The following KMT2A variants were observed in gnomAD, a reference collection of about 807,000 sequenced individuals.
The protein encoded by KMT2A is lysine methyltransferase 2A, also known as histone-lysine N-methyltransferase 2A.
Under a neutral mutation model 345.3 loss-of-function variants are expected in KMT2A, and 16 were observed. The ratio of observed to expected loss-of-function variants is 0.05; its 90% CI spans 0.03 to 0.07. The LOEUF is 0.07. KMT2A is among the 10% of genes least tolerant of loss of function. KMT2A has a pLI of 1.00. For synonymous variants in KMT2A, 1,599 were observed against 1,778.6 expected, an observed-to-expected ratio of 0.90 and a Z score of 2.54; for missense variants, 3,272 against 4,841.6, an observed-to-expected ratio of 0.68 and a Z score of 9.62.
rs1476909071 is a variant in KMT2A at position 118,491,504 on chromosome 11, G to C, written c.4819+186G>C. 1.3e-5 allele frequency among the ~76,000 whole-genome samples: 2 copies of C among 152,098 alleles called. No homozygotes were observed. The highest frequency in any genetic ancestry group is 2.9e-5 in the Non-Finnish European group (2 of 68,028). On this transcript the variant is annotated intron_variant, in intron 14 of 35. Transcript: ENST00000534358. The surrounding 1 kb of genome is among the most constrained non-coding windows in gnomAD (Gnocchi z 4.2). ...CTTATCTTGAATATATGCCTTTAAA[G>C]TATTTATTTGCTGTCCTTTGTGTGT...
chr11:118,482,220 C>A, intron 7 of KMT2A, 128 bp downstream of exon 7: 1 of 1,095,922 alleles, frequency 9.1e-7, no homozygotes, highest in Non-Finnish European at 1.3e-6. Context: ...AATCAGCTCT[C>A]TTTCTAACTA....
At chr11:118,515,067 C>T (rs551535171) in intron 31 of KMT2A, among the ~76,000 whole-genome samples, 7 of 152,326 alleles carry the variant, frequency 4.6e-5, no homozygotes, top group African/African-American at 1.7e-4. Flanking sequence ...GTGCCCGGCC[C>T]ATCCATGTGT....
At chr11:118,517,268 C>T (rs555259966) in intron 31 of KMT2A, among the ~76,000 whole-genome samples, 5 of 151,636 alleles carry the variant, frequency 3.3e-5, no homozygotes, top group South Asian at 2.1e-4. Context: ...TGGTGGCGGG[C>T]GCCTGTAGTC....
chr11:118,501,150 T>C lies in KMT2A; in HGVS notation c.6319+3T>C. Reference sequence around the variant, plus strand: ...CCATAGTCCAACATCTTTTACAGGTTAGTCTTGAATCAAGATGGGACTTGA... The same window carrying C: ...CCATAGTCCAACATCTTTTACAGGTCAGTCTTGAATCAAGATGGGACTTGA... On this transcript the variant is annotated splice_donor_region_variant and intron_variant, in intron 25 of 35. Coordinates refer to ENST00000534358, the MANE Select transcript of KMT2A (RefSeq NM_001197104.2). The C allele has an allele frequency of 6.2e-7, 1 of 1,612,268 alleles. No individual in the cohort carries two copies. The highest frequency in any genetic ancestry group is 8.5e-7 in the Non-Finnish European group (1 of 1,178,776).
chr11:118,513,404 T>A (rs1347704798), intron 31 of KMT2A, among the ~76,000 whole-genome samples: 1 of 152,048 alleles, frequency 6.6e-6, no homozygotes, highest in African/African-American at 2.4e-5. Context: ...TTTTTTTTTT[T>A]AGGAATTTAA....
rs2134263492 is a variant in KMT2A, at chr11:118,472,837, TCTCCAC to T, written c.1688_1693del (p.Pro563_Pro564del). 6.2e-7 allele frequency: 1 copy of T among 1,613,870 alleles called. No individual in the cohort carries two copies. Among genetic ancestry groups the T allele is most frequent in the Non-Finnish European group, 8.5e-7 (1 of 1,179,968 alleles). On this transcript the variant is annotated inframe_deletion, in exon 3 of 36. Coordinates refer to ENST00000534358, the MANE Select transcript of KMT2A (RefSeq NM_001197104.2). ...TGCCCCCCAGCAGCAGACCTCCTCG[TCTCCAC>T]CTCCACCTCTGCTGACTCCACCGCC...
Position 118,499,385 on chromosome 11 carries a change from A to G in KMT2A, c.6044A>G (p.Asn2015Ser), listed in dbSNP as rs782113867. 4 of 1,607,236 alleles carry G rather than the reference A, an allele frequency of 2.5e-6. No homozygotes were observed. Among genetic ancestry groups the G allele is most frequent in the Admixed American group, 3.4e-5 (2 of 59,666 alleles). The change falls in exon 23 of 36, where the codon AAT (asparagine) becomes AGT (serine). Residue 2015 changes from asparagine to serine, a missense_variant. Physicochemically the swap from Asn to Ser is conservative, Grantham distance 46. Coordinates refer to ENST00000534358, the MANE Select transcript of KMT2A (RefSeq NM_001197104.2). ...EGISLRRKFL[N>S]GLEPENIHMM... The stretch of plus-strand genomic sequence containing the variant: ...ATCAGCTTGAGAAGGAAGTTTCTCA[A>G]TGGCTTGGAACCAGAAAATATCCAC...
At chr11:118,478,224 G>A (rs782148609) in intron 5 of KMT2A, 23 bp downstream of exon 5, 1 of 1,564,562 alleles carries the variant, frequency 6.4e-7, no homozygotes, top group Non-Finnish European at 8.8e-7. Flanking sequence ...TTCACTCTGA[G>A]ATGTTGACCT....
intron 1 of KMT2A, among the ~76,000 whole-genome samples, chr11:118,455,414 A>G (rs1949622876): frequency 1.3e-5 from 2 of 152,106 alleles, no homozygotes; most frequent in Admixed American, 1.3e-4. Flanking sequence ...TTCTTACTCT[A>G]GTTCATTATA....
rs1555048074 is a variant in KMT2A, at chr11:118,505,915, C to T, written c.10023C>T (p.Ser3341=). 3.7e-5 allele frequency: 59 copies of T among 1,614,196 alleles called. No individual in the cohort carries two copies. The highest frequency in any genetic ancestry group is 4.7e-5 in the Non-Finnish European group (56 of 1,180,048). Reference sequence around the variant, plus strand: ...CTGTGTCTGGCTTGGCATCCAGTTCCTCTGTCTTGAATGTTGTATCCATGC... The same window carrying T: ...CTGTGTCTGGCTTGGCATCCAGTTCTTCTGTCTTGAATGTTGTATCCATGC... ...SGSVSGLASS[S]SVLNVVSMQT... The change falls in exon 27 of 36, where the codon TCC becomes TCT. Residue 3341 remains serine (S), a synonymous_variant. Coordinates refer to ENST00000534358, the MANE Select transcript of KMT2A (RefSeq NM_001197104.2). This position sits in a 1 kb window ranked among gnomAD's most constrained non-coding sequence, Gnocchi z 4.6.
At chr11:118,466,405 T>C (rs1949844571) in intron 1 of KMT2A, among the ~76,000 whole-genome samples, 1 of 152,200 alleles carries the variant, frequency 6.6e-6, no homozygotes, top group Admixed American at 6.5e-5. Context: ...AGTCCTCCCA[T>C]ATTGGCCTCT....
In KMT2A at chr11:118,491,943, A is replaced by AT. The variant is rs781939908; in HGVS notation, c.5004+22dup. On this transcript the variant is annotated intron_variant, in intron 15 of 35. Transcript: ENST00000534358. The surrounding 1 kb of genome is among the most constrained non-coding windows in gnomAD (Gnocchi z 4.2). Reference sequence around the variant, plus strand: ...GCTACCGGCAGGTAGGCCAAGTCTCATTTTTTTCTGAGAGCTTGTTCTTAG... The same window carrying AT: ...GCTACCGGCAGGTAGGCCAAGTCTCATTTTTTTTCTGAGAGCTTGTTCTTAG... The AT allele has an allele frequency of 1.1e-5, 17 of 1,600,322 alleles. No individual in the cohort carries two copies. The East Asian group carries it at 2.0e-4, about 19-fold the overall frequency.
rs1565303363 is a variant in KMT2A at position 118,503,384 on chromosome 11, C to A, written c.7492C>A (p.Pro2498Thr). 3 of 1,614,048 alleles carry A rather than the reference C, an allele frequency of 1.9e-6. No individual in the cohort carries two copies. Among genetic ancestry groups the A allele is most frequent in the Non-Finnish European group, 2.5e-6 (3 of 1,180,004 alleles). ...DKIGDKGLSMPGVPKAPPMQV... is the reference protein window; with the variant it reads ...DKIGDKGLSMTGVPKAPPMQV... ...GATTGGTGATAAAGGCCTTTCTATG[C>A]CAGGAGTCCCCAAAGCTCCACCCAT... The change falls in exon 27 of 36, where the codon CCA (proline) becomes ACA (threonine). Residue 2498 changes from proline to threonine, a missense_variant. This residue lies in a region of KMT2A where 445 missense variants were observed against 500.9 expected (regional missense o/e 0.89). Coordinates refer to ENST00000534358, the MANE Select transcript of KMT2A (RefSeq NM_001197104.2). This position sits in a 1 kb window ranked among gnomAD's most constrained non-coding sequence, Gnocchi z 5.3.
At chr11:118,483,329 G>A (rs868974370) in intron 8 of KMT2A, among the ~76,000 whole-genome samples, 1 of 151,580 alleles carries the variant, frequency 6.6e-6, no homozygotes, top group East Asian at 2.0e-4. Context: ...GCAGGAGATC[G>A]AGACCATCCT....
intron 30 of KMT2A, 190 bp from the exon 31 acceptor site, chr11:118,511,761 G>A: frequency 1.6e-6 from 1 of 628,060 alleles, no homozygotes; most frequent in Non-Finnish European, 2.8e-6. Flanking sequence ...CTGCTGGGGA[G>A]TGTACCTTTT....
chr11:118,496,112 CG>C lies in KMT2A; in HGVS notation c.5558-148del. ...TATTGTAACATAGATGATGAGGTAG[CG>C]TAACTCTGAACACTTTTTGAAAAGT... On this transcript the variant is annotated intron_variant, in intron 19 of 35. Coordinates refer to ENST00000534358, the MANE Select transcript of KMT2A (RefSeq NM_001197104.2). The surrounding 1 kb of genome is among the most constrained non-coding windows in gnomAD (Gnocchi z 4.7). The C allele has an allele frequency of 1.4e-6, 1 of 707,766 alleles. No homozygotes were observed. Among genetic ancestry groups the C allele is most frequent in the South Asian group, 1.8e-5 (1 of 54,656 alleles). 43.8% of individuals were successfully genotyped at this position (707,766 alleles called of 1,614,324 possible). A position where few individuals can be genotyped will look rare whatever the true frequency, so the allele number is the denominator to read the frequency against.
At chr11:118,449,026 T>A (rs2134191747) in intron 1 of KMT2A, 1 of 152,276 alleles carries the variant, frequency 6.6e-6, no homozygotes, top group Non-Finnish European at 1.5e-5. Context: ...CAAAGACAAA[T>A]TGTCTTACGA....
At position 118,495,004 on chromosome 11, in the gene KMT2A, A is replaced by G. The variant is rs1950382970; in HGVS notation, c.5363+237A>G. 1.3e-5 allele frequency among the ~76,000 whole-genome samples: 2 copies of G among 152,248 alleles called. No individual in the cohort carries two copies. The highest frequency in any genetic ancestry group is 6.5e-5 in the Admixed American group (1 of 15,288). On this transcript the variant is annotated intron_variant, in intron 18 of 35. Transcript: ENST00000534358. This position sits in a 1 kb window ranked among gnomAD's most constrained non-coding sequence, Gnocchi z 4.1. Reference sequence around the variant, plus strand: ...AGCTTGGTTTAATTGTGACAAATGTACAATACATGTGTGGTACAGCCATGT... The same window carrying G: ...AGCTTGGTTTAATTGTGACAAATGTGCAATACATGTGTGGTACAGCCATGT...
At chr11:118,443,377 C>T (rs974643905) in intron 1 of KMT2A, among the ~76,000 whole-genome samples, 6 of 152,258 alleles carry the variant, frequency 3.9e-5, no homozygotes, top group South Asian at 2.1e-4. Context: ...TCCATACCAC[C>T]ACTGTTAAAT....
Sources: allele counts gnomAD v4.1 joint callset (sites outside exome capture counted in the v4.1 genomes callset), GRCh38; gene constraint gnomAD v4.1.1; regional missense constraint gnomAD v4.1.1; non-coding constraint Gnocchi (gnomAD v3.1); transcripts MANE v1.5; gene names NCBI Gene and HGNC (gene_info 2026-07-23, HGNC 2026-07-21).